ITSN1: variants seen among roughly 807,000 people sequenced by gnomAD.
ITSN1 encodes the protein intersectin 1.
A neutral mutation model predicts 239.8 loss-of-function variants in ITSN1; 58 were observed. The ratio of observed to expected loss-of-function variants is 0.24; its 90% CI spans 0.20 to 0.30. The LOEUF is 0.30. ITSN1 is among the 10% of genes least tolerant of loss of function. ITSN1 has a pLI of 1.00. For missense variants in ITSN1, 1,558 were observed against 2,103.3 expected, an observed-to-expected ratio of 0.74 and a Z score of 5.07; for synonymous variants, 780 against 770.8, an observed-to-expected ratio of 1.01 and a Z score of -0.20.
chr21:33,834,455 T>A (rs1363014775), intron 28 of ITSN1, 31 bp downstream of exon 28: 1 of 1,402,190 alleles, frequency 7.1e-7, no homozygotes, highest in Admixed American at 1.8e-5. Flanking sequence ...AACTGGAAGA[T>A]GGTCTGCATG....
chr21:33,772,447 A>G (rs776987046), intron 12 of ITSN1, 124 bp downstream of exon 12: 84 of 1,205,782 alleles, frequency 7.0e-5, no homozygotes, highest in Non-Finnish European at 9.5e-5. Context: ...TATATTCCCA[A>G]AGTTGTGCAA....
chr21:33,702,521 TAA>T (rs1476422115), intron 1 of ITSN1, among the ~76,000 whole-genome samples: 14 of 152,360 alleles, frequency 9.2e-5, no homozygotes, highest in African/African-American at 2.4e-4. Context: ...GATATAAAGT[TAA>T]GTTTTAAATT....
At chr21:33,768,288 A>AT (rs1602112597) in intron 11 of ITSN1, among the ~76,000 whole-genome samples, 1 of 152,108 alleles carries the variant, frequency 6.6e-6, no homozygotes, top group East Asian at 1.9e-4. Context: ...TATTTTATTT[A>AT]TTTTGTTTTT....
rs1986181286 is a variant in ITSN1, at chr21:33,889,159, T to G, written c.*859T>G. On this transcript the variant is annotated 3_prime_UTR_variant, in exon 40 of 40. Transcript: ENST00000381318. The stretch of plus-strand genomic sequence containing the variant: ...CCATGTTGGAAAAATCTCTTTTGGC[T>G]CGGAGGCCTGTGATATTTCATAGCA... 6.6e-6 allele frequency: 1 copy of G among 152,126 alleles called. No homozygotes were observed. The allele number at this position is 152,126 out of a possible 1,614,324, so 9.4% of individuals were successfully genotyped here.
chr21:33,656,909 C>T (rs777495190), intron 1 of ITSN1, among the ~76,000 whole-genome samples: 4 of 151,964 alleles, frequency 2.6e-5, no homozygotes, highest in Non-Finnish European at 4.4e-5. Flanking sequence ...TTAGTAGAGA[C>T]GGGGTTTTAC....
intron 22 of ITSN1, chr21:33,817,547 G>A (rs892911890): frequency 7.7e-7 from 1 of 1,304,068 alleles, no homozygotes; most frequent in Admixed American, 2.3e-5. Context: ...GGTACACTTG[G>A]TTGTTTTTAT....
At position 33,865,899 on chromosome 21, in the gene ITSN1, C is replaced by A. The variant is rs1017046492; in HGVS notation, c.4074+565C>A. ...CCAGGGGATGTTTGGGGAGGTAATG[C>A]GGATACTGCTGGAAGACCTGCAGCT... On this transcript the variant is annotated intron_variant, in intron 32 of 39. Transcript: ENST00000381318. The surrounding 1 kb of genome is among the most constrained non-coding windows in gnomAD (Gnocchi z 4.4). Among the ~76,000 whole-genome samples, 2 of 152,116 alleles carry A rather than the reference C, an allele frequency of 1.3e-5. No individual in the cohort carries two copies. The highest frequency in any genetic ancestry group is 2.9e-5 in the Non-Finnish European group (2 of 68,028).
Position 33,797,452 on chromosome 21 carries a change from C to T in ITSN1, c.2026C>T (p.Leu676Phe). 6.2e-7 allele frequency: 1 copy of T among 1,614,020 alleles called. No homozygotes were observed. Among genetic ancestry groups the T allele is most frequent in the Non-Finnish European group, 8.5e-7 (1 of 1,180,002 alleles). ...QEDEHQRPRK[L>F]HEEEKLKREE... ...GGACGAGCATCAGAGACCAAGAAAA[C>T]TCCACGAAGAGGAAAAACTGAAAAG... is the stretch of plus-strand genomic sequence containing the variant. Residue 676 changes from leucine (L) to phenylalanine (F), a missense_variant, in exon 18 of 40, where the codon CTC (leucine) becomes TTC (phenylalanine). Leu to Phe is a conservative substitution (Grantham distance 22, BLOSUM62 0). This residue lies in a region of ITSN1 where 982 missense variants were observed against 1,209.9 expected (regional missense o/e 0.81). Transcript: ENST00000381318. The surrounding 1 kb of genome is among the most constrained non-coding windows in gnomAD (Gnocchi z 4.9).
chr21:33,821,909 A>G (rs2073698662), intron 24 of ITSN1, among the ~76,000 whole-genome samples: 1 of 152,250 alleles, frequency 6.6e-6, no homozygotes, highest in Non-Finnish European at 1.5e-5. Flanking sequence ...GGGTGAGAGT[A>G]TGGAGAAGTC....
chr21:33,862,124 C>T (rs1980707460), intron 31 of ITSN1, among the ~76,000 whole-genome samples: 1 of 140,120 alleles, frequency 7.1e-6, no homozygotes, highest in Non-Finnish European at 1.5e-5. Context: ...AAGATCGTGC[C>T]ACTGCACTTC....
Position 33,882,280 on chromosome 21 carries a change from C to T in ITSN1, c.4379C>T (p.Pro1460Leu), listed in dbSNP as rs768735426. 8 of 1,613,958 alleles carry T rather than the reference C, an allele frequency of 5.0e-6. No homozygotes were observed. Among genetic ancestry groups the T allele is most frequent in the Admixed American group, 1.7e-5 (1 of 59,974 alleles). Residue 1460 changes from proline to leucine, a missense_variant, in exon 35 of 40, where the codon CCG becomes CTG. Transcript: ENST00000381318. The surrounding 1 kb of genome is among the most constrained non-coding windows in gnomAD (Gnocchi z 4.5). The stretch of plus-strand genomic sequence containing the variant: ...AATTCAGTGACCAATTGCTTGGGGC[C>T]GCGCAAATTTCTGCACAGTGGGAAG... The part of the protein sequence containing the change: ...VFNSVTNCLG[P>L]RKFLHSGKLY...
chr21:33,707,487 T>C (rs185065206), intron 1 of ITSN1, among the ~76,000 whole-genome samples: 1 of 152,160 alleles, frequency 6.6e-6, no homozygotes, highest in African/African-American at 2.4e-5. Flanking sequence ...GAAATCATCA[T>C]TCCCAAGAGA....
At chr21:33,783,360 G>T (rs559514940) in intron 16 of ITSN1, among the ~76,000 whole-genome samples, 1 of 152,282 alleles carries the variant, frequency 6.6e-6, no homozygotes, top group South Asian at 2.1e-4. Flanking sequence ...TGAGTTTGAG[G>T]TATGTGTGCT....
intron 14 of ITSN1, among the ~76,000 whole-genome samples, chr21:33,780,263 T>C (rs868580415): frequency 1.2e-4 from 19 of 152,348 alleles, no homozygotes; most frequent in South Asian, 1.2e-3. Flanking sequence ...AGATTGATGT[T>C]TAGACTGTTC....
Position 33,797,331 on chromosome 21 carries a change from T to C in ITSN1, c.1953-48T>C, listed in dbSNP as rs2071638926. ...TTTGTGAAAAGAGGCAACAGTAGTG[T>C]TAACTTAGAGTTGCTTTCTTGCTGT... On this transcript the variant is annotated intron_variant, in intron 17 of 39. Coordinates refer to ENST00000381318, the MANE Select transcript of ITSN1 (RefSeq NM_003024.3). The surrounding 1 kb of genome is among the most constrained non-coding windows in gnomAD (Gnocchi z 4.9). The C allele has an allele frequency of 6.5e-7, 1 of 1,537,230 alleles. No homozygotes were observed. The highest frequency in any genetic ancestry group is 1.4e-5 in the African/African-American group (1 of 73,164).
At chr21:33,763,879 C>G (rs2068540165) in intron 9 of ITSN1, among the ~76,000 whole-genome samples, 1 of 152,176 alleles carries the variant, frequency 6.6e-6, no homozygotes, top group Non-Finnish European at 1.5e-5. Flanking sequence ...CTGCAAAGTT[C>G]GTGATTTTCT....
At chr21:33,760,107 C>CAA (rs548123368) in intron 8 of ITSN1, among the ~76,000 whole-genome samples, 2 of 123,676 alleles carry the variant, frequency 1.6e-5, no homozygotes, top group African/African-American at 2.9e-5. Flanking sequence ...GACTCCATCT[C>CAA]AAAAAAAAAA....
At chr21:33,714,296 AAGAGAG>A (rs748456126) in intron 1 of ITSN1, among the ~76,000 whole-genome samples, 1 of 152,218 alleles carries the variant, frequency 6.6e-6, no homozygotes, top group African/African-American at 2.4e-5. Flanking sequence ...TGGGGAGGGA[AAGAGAG>A]AGAACGTGGA....
At chr21:33,654,369 A>G (rs1006807649) in intron 1 of ITSN1, among the ~76,000 whole-genome samples, 1 of 151,922 alleles carries the variant, frequency 6.6e-6, no homozygotes, top group Non-Finnish European at 1.5e-5. Flanking sequence ...GATTTTTTAA[A>G]TTCACTTTAA....
Sources: gnomAD v4.1 joint callset for allele counts (sites outside exome capture counted in the v4.1 genomes callset) on GRCh38, gnomAD v4.1.1 for gene constraint, gnomAD v4.1.1 regional missense constraint, Gnocchi (gnomAD v3.1) non-coding constraint, MANE v1.5 for transcripts, NCBI Gene and HGNC (gene_info 2026-07-23, HGNC 2026-07-21) for gene names.